MTUS2: variants seen among roughly 807,000 people sequenced by gnomAD.
MTUS2 encodes microtubule-associated tumor suppressor candidate 2.
A neutral mutation model predicts 114.1 loss-of-function variants in MTUS2; 40 were observed. The observed-to-expected ratio is 0.35, with a 90% CI of 0.27 to 0.46. The LOEUF (loss-of-function observed/expected upper bound fraction) is 0.46. MTUS2 is among the 20% of genes least tolerant of loss of function. MTUS2 has a pLI of 1.00. For missense variants in MTUS2, 1,679 were observed against 1,705.4 expected, an observed-to-expected ratio of 0.98 and a Z score of 0.27; for synonymous variants, 688 against 672.0, an observed-to-expected ratio of 1.02 and a Z score of -0.37.
chr13:29,371,985 C>CA (rs1871229393), intron 8 of MTUS2, among the ~76,000 whole-genome samples: 3 of 54,164 alleles, frequency 5.5e-5, no homozygotes, highest in African/African-American at 1.1e-4. Flanking sequence ...CGCCCCCCCC[C>CA]CCACACACAC....
At chr13:29,073,556 G>A (rs1421019715) in intron 4 of MTUS2, among the ~76,000 whole-genome samples, 1 of 152,114 alleles carries the variant, frequency 6.6e-6, no homozygotes, top group Non-Finnish European at 1.5e-5. Flanking sequence ...TTTGGGGGTG[G>A]GGGGTTACCC....
intron 2 of MTUS2, among the ~76,000 whole-genome samples, chr13:28,942,985 A>G (rs189959855): frequency 6.6e-6 from 1 of 152,334 alleles, no homozygotes; most frequent in Admixed American, 6.5e-5. Context: ...ATACTAAGAA[A>G]AAATGTGAGT....
At chr13:28,886,153 G>C (rs1593270949) in intron 2 of MTUS2, among the ~76,000 whole-genome samples, 1 of 152,242 alleles carries the variant, frequency 6.6e-6, no homozygotes, top group East Asian at 1.9e-4. Flanking sequence ...GGGATGTAGG[G>C]GCCATACCAA....
intron 5 of MTUS2, among the ~76,000 whole-genome samples, chr13:29,123,725 C>G (rs1891404578): frequency 6.6e-6 from 1 of 152,082 alleles, no homozygotes; most frequent in Admixed American, 6.6e-5. Flanking sequence ...CACACACACA[C>G]ACACGCATAC....
At chr13:28,911,304 T>G (rs1341615107) in intron 2 of MTUS2, among the ~76,000 whole-genome samples, 1 of 150,810 alleles carries the variant, frequency 6.6e-6, no homozygotes, top group Non-Finnish European at 1.5e-5. Context: ...GCCTCCCAAG[T>G]AGCTGGGACT....
At chr13:29,289,870 T>G (rs1166080064) in intron 6 of MTUS2, among the ~76,000 whole-genome samples, 1 of 152,180 alleles carries the variant, frequency 6.6e-6, no homozygotes, top group African/African-American at 2.4e-5. Flanking sequence ...AGGCAGAAGA[T>G]GGGTTTTAAT....
chr13:29,158,358 CTTTTTTT>C (rs372666382), intron 5 of MTUS2, among the ~76,000 whole-genome samples: 4 of 32,056 alleles, frequency 1.2e-4, no homozygotes, highest in Admixed American at 4.2e-4. Flanking sequence ...GTCCACCCCG[CTTTTTTT>C]TTTTTTTTTT....
intron 1 of MTUS2, among the ~76,000 whole-genome samples, chr13:28,831,771 T>G (rs1447706650): frequency 6.6e-6 from 1 of 152,086 alleles, no homozygotes; most frequent in Non-Finnish European, 1.5e-5. Context: ...TTTATTATTT[T>G]TTTGAGACAG....
intron 2 of MTUS2, among the ~76,000 whole-genome samples, chr13:28,855,362 A>G (rs969602969): frequency 5.3e-5 from 8 of 152,070 alleles, no homozygotes; most frequent in Non-Finnish European, 1.2e-4. Flanking sequence ...CTGTCAACCC[A>G]TCACCTGGGT....
At chr13:28,861,340 A>G (rs1876965997) in intron 2 of MTUS2, among the ~76,000 whole-genome samples, 1 of 151,936 alleles carries the variant, frequency 6.6e-6, no homozygotes, top group Non-Finnish European at 1.5e-5. Context: ...CTCTGCATGT[A>G]GTTGAAGGCT....
chr13:29,035,547 C>T (rs1349086354), intron 4 of MTUS2, among the ~76,000 whole-genome samples: 1 of 152,192 alleles, frequency 6.6e-6, no homozygotes, highest in Non-Finnish European at 1.5e-5. Flanking sequence ...ATCCCTGGTG[C>T]CTCCATCTTC....
chr13:29,500,931 C>T (rs1882858265), intron 14 of MTUS2, among the ~76,000 whole-genome samples, 166 bp from the exon 15 acceptor site: 1 of 152,132 alleles, frequency 6.6e-6, no homozygotes, highest in South Asian at 2.1e-4. Context: ...AGAAGAAATG[C>T]TGGTCACATT....
At chr13:29,398,825 C>T (rs1171596635) in intron 8 of MTUS2, among the ~76,000 whole-genome samples, 1 of 152,098 alleles carries the variant, frequency 6.6e-6, no homozygotes, top group Admixed American at 6.5e-5. Flanking sequence ...AACAGAACCA[C>T]ATGCAGAAGA....
intron 5 of MTUS2, among the ~76,000 whole-genome samples, chr13:29,186,289 A>G (rs1018453333): frequency 6.6e-6 from 1 of 152,250 alleles, no homozygotes. Context: ...ATAATCATTA[A>G]ATGTAAATTA....
chr13:28,938,553 T>A (rs1251318910), intron 2 of MTUS2, among the ~76,000 whole-genome samples: 1 of 149,942 alleles, frequency 6.7e-6, no homozygotes, highest in African/African-American at 2.5e-5. Flanking sequence ...GGGGTTATAG[T>A]CTGGAGGAAA....
chr13:28,992,490 A>G (rs1441115220), intron 2 of MTUS2, among the ~76,000 whole-genome samples: 1 of 152,142 alleles, frequency 6.6e-6, no homozygotes, highest in Non-Finnish European at 1.5e-5. Flanking sequence ...ACGGCTGCAC[A>G]TGGACTAGAA....
Position 29,504,725 on chromosome 13 carries a change from C to T in MTUS2, c.*1519C>T, listed in dbSNP as rs1281117551. The T allele has an allele frequency of 8.6e-6, 2 of 233,184 alleles. No homozygotes were observed. Among genetic ancestry groups the T allele is most frequent in the Admixed American group, 5.6e-5 (1 of 17,782 alleles). 14.4% of individuals were successfully genotyped at this position (233,184 alleles called of 1,614,324 possible). On this transcript the variant is annotated 3_prime_UTR_variant, in exon 16 of 16. Transcript: ENST00000612955. ...CAGATATGGTGATGATGATGATGCCCTTGTTTCCTGTATGTGACAAAGACC... is the reference window on the plus strand; with the variant it reads ...CAGATATGGTGATGATGATGATGCCTTTGTTTCCTGTATGTGACAAAGACC...
rs552856139 is a variant in MTUS2 at position 29,024,239 on chromosome 13, T to C, written c.-242-218T>C. On this transcript the variant is annotated intron_variant, in intron 2 of 15. Transcript: ENST00000612955. The stretch of plus-strand genomic sequence containing the variant: ...ATGTTTAAAATTTAGATTTAAGATC[T>C]CACATGCATTTATAATCCATTTCTA... Among the ~76,000 whole-genome samples, 3 of 152,340 alleles carry C rather than the reference T, an allele frequency of 2.0e-5. No individual in the cohort carries two copies. In the East Asian group the frequency reaches 5.8e-4, roughly 29 times the overall value.
rs570149481 is a variant in MTUS2, at chr13:29,394,099, GT to G, written c.3117+34628del. Among the ~76,000 whole-genome samples, 611 of 152,212 alleles carry G rather than the reference GT, an allele frequency of 4.0e-3. 4 individuals carry two copies. Among genetic ancestry groups the G allele is most frequent in the African/African-American group, 0.014 (574 of 41,518 alleles). ...GCTCCTATATGATTTTGTCCACAGG[GT>G]TGATACTACAGTGTCAAAGAAAAAA... On this transcript the variant is annotated intron_variant, in intron 8 of 15. Coordinates refer to ENST00000612955, the MANE Select transcript of MTUS2 (RefSeq NM_001033602.4).
Sources: allele counts gnomAD v4.1 joint callset (sites outside exome capture counted in the v4.1 genomes callset), GRCh38; gene constraint gnomAD v4.1.1; transcripts MANE v1.5; gene names NCBI Gene and HGNC (gene_info 2026-07-23, HGNC 2026-07-21).